The following PCDH11X variants were observed in gnomAD, a reference collection of about 807,000 sequenced individuals.
PCDH11X encodes the protein protocadherin-11 X-linked.
PCDH11X carries 18 observed loss-of-function variants against 53.3 expected under a neutral mutation model. The observed-to-expected ratio is 0.34, with a 90% CI of 0.23 to 0.50. The LOEUF is 0.50. Ranked by LOEUF, PCDH11X falls within the 20% of genes least tolerant of loss-of-function variation. The pLI is 0.98. For synonymous variants in PCDH11X, 279 were observed against 393.3 expected, an observed-to-expected ratio of 0.71 and a Z score of 3.44; for missense variants, 570 against 1,032.4, an observed-to-expected ratio of 0.55 and a Z score of 6.14.
intron 7 of PCDH11X, among the ~76,000 whole-genome samples, chrX:92,218,278 A>G (rs1455817403): frequency 9.3e-6 from 1 of 107,451 alleles, no homozygotes; most frequent in Non-Finnish European, 1.9e-5. Flanking sequence ...TGAAAGGATC[A>G]ACAAAATTGA....
intron 5 of PCDH11X, among the ~76,000 whole-genome samples, chrX:91,868,097 A>C (rs1939089424): frequency 9.0e-6 from 1 of 111,666 alleles, no homozygotes; most frequent in Non-Finnish European, 1.9e-5. Context: ...AACAACAACA[A>C]AAAATCTACC....
intron 10 of PCDH11X, among the ~76,000 whole-genome samples, chrX:92,512,368 T>C (rs1181286944): frequency 1.8e-5 from 2 of 111,947 alleles, no homozygotes; most frequent in Non-Finnish European, 3.8e-5. Context: ...GTAGCTCACA[T>C]ATTAATACTG....
chrX:92,535,995 C>G (rs766832908), intron 10 of PCDH11X, among the ~76,000 whole-genome samples: 2 of 106,913 alleles, frequency 1.9e-5, no homozygotes, highest in African/African-American at 3.4e-5. Flanking sequence ...GGGTTTGATA[C>G]GCCGTCTCCC....
chrX:91,883,385 C>T (rs1303815434), intron 6 of PCDH11X: 2 of 737,771 alleles, frequency 2.7e-6, no homozygotes, highest in African/African-American at 4.9e-5. Context: ...GTATCCAGGG[C>T]AAGAGACATT....
intron 9 of PCDH11X, among the ~76,000 whole-genome samples, chrX:92,412,528 T>G (rs866414456): frequency 2.5e-4 from 22 of 89,542 alleles, no homozygotes; most frequent in African/African-American, 8.2e-4. Context: ...TATATATATA[T>G]ATATATATAT....
intron 10 of PCDH11X, among the ~76,000 whole-genome samples, chrX:92,486,395 G>A (rs2073641021): frequency 9.0e-6 from 1 of 111,398 alleles, no homozygotes; most frequent in African/African-American, 3.3e-5. Flanking sequence ...ATGTGCAATA[G>A]TAACGTGTTA....
intron 6 of PCDH11X, chrX:91,883,484 A>G (rs1940017116): frequency 9.3e-6 from 7 of 754,199 alleles, no homozygotes; most frequent in Non-Finnish European, 1.1e-5. Flanking sequence ...TGCTGAGAAA[A>G]TCATTTTTAT....
chrX:92,339,712 C>T (rs934130691), intron 8 of PCDH11X, among the ~76,000 whole-genome samples: 1 of 108,135 alleles, frequency 9.2e-6, no homozygotes, highest in Admixed American at 9.9e-5. Flanking sequence ...TATGAGGGAT[C>T]CAACCCCATG....
At chrX:92,447,453 G>A (rs1015209517) in intron 9 of PCDH11X, among the ~76,000 whole-genome samples, 8 of 111,506 alleles carry the variant, frequency 7.2e-5, no homozygotes, top group African/African-American at 2.6e-4. Flanking sequence ...CCAAGGTACA[G>A]CTCGAGTCAT....
chrX:92,190,678 A>G (rs2066178035), intron 6 of PCDH11X, among the ~76,000 whole-genome samples: 1 of 111,470 alleles, frequency 9.0e-6, no homozygotes, highest in African/African-American at 3.3e-5. Context: ...TGAGTCTACT[A>G]AATAAATAAA....
intron 8 of PCDH11X, among the ~76,000 whole-genome samples, chrX:92,284,544 GGGA>G (rs1403073496): frequency 8.9e-6 from 1 of 112,075 alleles, no homozygotes; most frequent in African/African-American, 3.2e-5. Flanking sequence ...CTGAGAAAGA[GGGA>G]AATTGTTATT....
chrX:92,184,478 G>A (rs1008027045), intron 6 of PCDH11X, among the ~76,000 whole-genome samples: 1 of 111,676 alleles, frequency 9.0e-6, no homozygotes, highest in African/African-American at 3.3e-5. Flanking sequence ...ATAGAAAAAA[G>A]CAATCTTAGA....
chrX:91,920,961 A>C (rs878908733), intron 6 of PCDH11X, among the ~76,000 whole-genome samples: 4 of 111,288 alleles, frequency 3.6e-5, no homozygotes, highest in African/African-American at 9.8e-5. Flanking sequence ...GAAAGCACAC[A>C]CTTGAAAAAC....
At chrX:92,140,328 T>C (rs1425726639) in intron 6 of PCDH11X, among the ~76,000 whole-genome samples, 1 of 111,542 alleles carries the variant, frequency 9.0e-6, no homozygotes, top group African/African-American at 3.2e-5. Flanking sequence ...TAAGTAGACT[T>C]GTAATTTAAT....
At chrX:92,154,140 A>T (rs2065486374) in intron 6 of PCDH11X, among the ~76,000 whole-genome samples, 1 of 110,277 alleles carries the variant, frequency 9.1e-6, no homozygotes, top group African/African-American at 3.3e-5. Flanking sequence ...TGTAAGTGGA[A>T]ATCAGTCTAC....
At position 92,320,847 on chromosome X, in the gene PCDH11X, A is replaced by G. The variant is rs766697157; in HGVS notation, c.3144+57704A>G. ...TGCTGAACAGATTGGCTAAACATAC[A>G]TATTCAACAGGTTACAGGAGGAGCT... is the stretch of plus-strand genomic sequence containing the variant. On this transcript the variant is annotated intron_variant, in intron 8 of 10. Coordinates refer to ENST00000682573, the MANE Select transcript of PCDH11X (RefSeq NM_032968.5). Among the ~76,000 whole-genome samples, 21 of 111,144 alleles carry G rather than the reference A, an allele frequency of 1.9e-4. No homozygotes were observed. In the East Asian group the frequency reaches 5.8e-3, roughly 31 times the overall value.
intron 8 of PCDH11X, among the ~76,000 whole-genome samples, chrX:92,275,597 A>G (rs1285485833): frequency 8.9e-6 from 1 of 111,786 alleles, no homozygotes; most frequent in Non-Finnish European, 1.9e-5. Flanking sequence ...TATTGAGGAT[A>G]GGAGAGTATA....
chrX:92,585,438 C>T (rs1924278099), intron 10 of PCDH11X, among the ~76,000 whole-genome samples: 1 of 101,319 alleles, frequency 9.9e-6, no homozygotes, highest in Non-Finnish European at 2.0e-5. Context: ...GCGGTGCTAT[C>T]TCGGCTCACT....
chrX:92,256,117 G>C (rs1276939342), intron 7 of PCDH11X, among the ~76,000 whole-genome samples: 4 of 111,880 alleles, frequency 3.6e-5, no homozygotes, highest in Admixed American at 9.4e-5. Context: ...CGAGCCAGGT[G>C]GGGGATATAA....
Sources: allele counts gnomAD v4.1 joint callset (sites outside exome capture counted in the v4.1 genomes callset), GRCh38; gene constraint gnomAD v4.1.1; transcripts MANE v1.5; gene names NCBI Gene and HGNC (gene_info 2026-07-23, HGNC 2026-07-21).